EPS15: variants seen among roughly 807,000 people sequenced by gnomAD.
The protein encoded by EPS15 is epidermal growth factor receptor pathway substrate 15, also known as epidermal growth factor receptor substrate 15.
A neutral mutation model predicts 113.8 loss-of-function variants in EPS15; 72 were observed. That is an observed-to-expected ratio of 0.63 (90% CI 0.52 to 0.77). EPS15 has a LOEUF of 0.77. Among genes scored for constraint, EPS15 ranks in the 30% least tolerant of loss-of-function variants. EPS15 has a pLI of 0.00. For missense variants in EPS15, 1,048 were observed against 1,045.8 expected, an observed-to-expected ratio of 1.00 and a Z score of -0.03; for synonymous variants, 344 against 363.4, an observed-to-expected ratio of 0.95 and a Z score of 0.61.
Position 51,501,342 on chromosome 1 carries a change from A to C in EPS15, c.33+17857T>G, listed in dbSNP as rs1249748873. Among the ~76,000 whole-genome samples, 10 of 151,022 alleles carry C rather than the reference A, an allele frequency of 6.6e-5. No individual in the cohort carries two copies. In the East Asian group the frequency reaches 2.0e-3, roughly 31 times the overall value. On this transcript the variant is annotated intron_variant, in intron 1 of 24. Coordinates refer to ENST00000371733, the MANE Select transcript of EPS15 (RefSeq NM_001981.3). ...AGAATTGCTTGAACCCGGGAGGTGGAGGTTGCAGTGAGCCGAGATGGCACC... is the reference window on the plus strand; with the variant it reads ...AGAATTGCTTGAACCCGGGAGGTGGCGGTTGCAGTGAGCCGAGATGGCACC...
At chr1:51,364,967 T>C (rs1414629189) in intron 22 of EPS15, among the ~76,000 whole-genome samples, 2 of 151,872 alleles carry the variant, frequency 1.3e-5, no homozygotes, top group African/African-American at 4.8e-5. Flanking sequence ...GCAGCTGGGA[T>C]TACAGGTGCG....
chr1:51,457,322 T>C (rs1654079427), intron 8 of EPS15, among the ~76,000 whole-genome samples: 1 of 151,288 alleles, frequency 6.6e-6, no homozygotes, highest in Non-Finnish European at 1.5e-5. Flanking sequence ...AAAAAGAACA[T>C]GATGGGGAAG....
intron 7 of EPS15, chr1:51,461,814 G>A (rs1292848261): frequency 6.6e-6 from 1 of 152,190 alleles, no homozygotes; most frequent in Non-Finnish European, 1.5e-5. Context: ...TCCAGTAGTA[G>A]TAATAATATG....
chr1:51,393,387 T>G (rs1647588374), intron 21 of EPS15, among the ~76,000 whole-genome samples: 1 of 152,198 alleles, frequency 6.6e-6, no homozygotes, highest in Admixed American at 6.5e-5. Context: ...TTTTTGCATT[T>G]TTAGTGGAGA....
chr1:51,464,977 C>T (rs11205849), intron 6 of EPS15, among the ~76,000 whole-genome samples: 45,519 of 152,144 alleles, frequency 0.3, 9,136 homozygotes, highest in African/African-American at 0.57. Context: ...TAAGAGATAA[C>T]ACCAGTGGGG....
At chr1:51,464,382 G>A (rs1218009505) in intron 6 of EPS15, among the ~76,000 whole-genome samples, 4 of 151,812 alleles carry the variant, frequency 2.6e-5, no homozygotes, top group Non-Finnish European at 5.9e-5. Flanking sequence ...TGGGATTATA[G>A]GCGCCTGCCA....
chr1:51,408,731 G>A (rs1448898877), intron 14 of EPS15, among the ~76,000 whole-genome samples: 3 of 151,444 alleles, frequency 2.0e-5, no homozygotes, highest in Non-Finnish European at 2.9e-5. Context: ...AGGCTCAGGT[G>A]ATCCTCTCAC....
At chr1:51,388,769 A>G (rs1157020971) in intron 21 of EPS15, among the ~76,000 whole-genome samples, 2 of 152,222 alleles carry the variant, frequency 1.3e-5, no homozygotes, top group Admixed American at 1.3e-4. Flanking sequence ...CTAAACCAGG[A>G]AGAAGTTGAC....
At chr1:51,386,939 C>A (rs941382441) in intron 21 of EPS15, among the ~76,000 whole-genome samples, 1 of 152,030 alleles carries the variant, frequency 6.6e-6, no homozygotes, top group African/African-American at 2.4e-5. Context: ...GCAAGGCAGG[C>A]CAACATTCAG....
intron 21 of EPS15, among the ~76,000 whole-genome samples, chr1:51,373,776 C>T (rs909862772): frequency 1.3e-5 from 2 of 151,860 alleles, no homozygotes; most frequent in Non-Finnish European, 2.9e-5. Flanking sequence ...CATGGTGAAA[C>T]CCTGTCTCTA....
intron 1 of EPS15, among the ~76,000 whole-genome samples, chr1:51,501,712 C>T (rs1644418217): frequency 6.6e-6 from 1 of 152,086 alleles, no homozygotes; most frequent in Non-Finnish European, 1.5e-5. Context: ...CTCCTGATCT[C>T]AGGTGATCCA....
intron 13 of EPS15, among the ~76,000 whole-genome samples, chr1:51,410,283 T>C (rs1442502617): frequency 1.3e-5 from 2 of 150,922 alleles, no homozygotes; most frequent in South Asian, 2.1e-4. Flanking sequence ...CCCAGTTACT[T>C]GGGAGGCTGA....
intron 2 of EPS15, among the ~76,000 whole-genome samples, 187 bp downstream of exon 2, chr1:51,481,086 T>G (rs1187789336): frequency 2.0e-5 from 3 of 152,244 alleles, no homozygotes. Flanking sequence ...TTGGACTTAA[T>G]TATCTTTCCT....
Position 51,461,521 on chromosome 1 carries a change from TA to T in EPS15, c.502-372del, listed in dbSNP as rs34184025. On this transcript the variant is annotated intron_variant, in intron 7 of 24. Coordinates refer to ENST00000371733, the MANE Select transcript of EPS15 (RefSeq NM_001981.3). ...GGCAACGGAGCTAGACACTGTTTCT[TA>T]AAAAAAAAAAAAAAAAAAAAAAAAA... is the stretch of plus-strand genomic sequence containing the variant. Among the ~76,000 whole-genome samples the T allele has an allele frequency of 6.1e-3, 521 of 85,070 alleles. 4 individuals carry two copies. The highest frequency in any genetic ancestry group is 0.01 in the Admixed American group (74 of 7,240). 55.8% of individuals were successfully genotyped at this position (85,070 alleles called of 152,430 possible).
chr1:51,381,787 C>A (rs1018779143), intron 21 of EPS15, among the ~76,000 whole-genome samples: 10 of 151,852 alleles, frequency 6.6e-5, no homozygotes, highest in African/African-American at 2.4e-4. Flanking sequence ...CACAGCATTA[C>A]CAAAACTAAC....
chr1:51,377,325 A>G (rs937088965), intron 21 of EPS15, among the ~76,000 whole-genome samples: 20 of 152,214 alleles, frequency 1.3e-4, no homozygotes, highest in African/African-American at 4.8e-4. Flanking sequence ...CAATAGTAAG[A>G]GGACTTTGAA....
chr1:51,494,053 A>G (rs1644287950), intron 1 of EPS15, among the ~76,000 whole-genome samples: 1 of 152,180 alleles, frequency 6.6e-6, no homozygotes, highest in South Asian at 2.1e-4. Context: ...CATCAAATTT[A>G]GTAATTTCAA....
At chr1:51,481,127 G>C (rs1334131360) in intron 2 of EPS15, 146 bp downstream of exon 2, 11 of 643,158 alleles carry the variant, frequency 1.7e-5, no homozygotes, top group East Asian at 1.5e-4. Flanking sequence ...AATGCATTAA[G>C]TACTCAAAGT....
At chr1:51,384,632 C>A (rs562952696) in intron 21 of EPS15, among the ~76,000 whole-genome samples, 282 of 151,916 alleles carry the variant, frequency 1.9e-3, no homozygotes, top group African/African-American at 6.7e-3. Context: ...GCCACTGTGC[C>A]CAGCCCAAAG....
Sources: gnomAD v4.1 joint callset for allele counts (sites outside exome capture counted in the v4.1 genomes callset) on GRCh38, gnomAD v4.1.1 for gene constraint, MANE v1.5 for transcripts, NCBI Gene and HGNC (gene_info 2026-07-23, HGNC 2026-07-21) for gene names.